RGS6: variants seen among roughly 807,000 people sequenced by gnomAD.
RGS6 encodes regulator of G protein signaling 6, also known as regulator of G-protein signaling 6.
Under a neutral mutation model 78.5 loss-of-function variants are expected in RGS6, and 30 were observed. The observed-to-expected ratio is 0.38, with a 90% CI of 0.29 to 0.52. The LOEUF (loss-of-function observed/expected upper bound fraction) is 0.52. Among genes scored for constraint, RGS6 ranks in the 20% least tolerant of loss-of-function variants. The probability of loss-of-function intolerance (pLI) is 0.85; values close to 1 mark genes in which losing one functional copy is unlikely to be tolerated. For missense variants in RGS6, 495 were observed against 609.7 expected (o/e 0.81, Z 1.98); for synonymous variants, 206 against 206.0 (o/e 1.00, Z 0.00).
At chr14:72,023,725 A>G (rs1057438829) in intron 2 of RGS6, among the ~76,000 whole-genome samples, 1 of 152,228 alleles carries the variant, frequency 6.6e-6, no homozygotes, top group African/African-American at 2.4e-5. Flanking sequence ...AGCCTTCCTC[A>G]GGGGAAAATT....
intron 2 of RGS6, among the ~76,000 whole-genome samples, chr14:72,148,217 G>A (rs2096635191): frequency 6.7e-6 from 1 of 148,914 alleles, no homozygotes; most frequent in African/African-American, 2.5e-5. Context: ...AACATAGCAA[G>A]AACCCATCTC....
At chr14:72,626,424 G>T in the RGS6 span, among the ~76,000 whole-genome samples, 1 of 151,982 alleles carries the variant, frequency 6.6e-6, no homozygotes, top group Admixed American at 6.5e-5. Flanking sequence ...TTACAATAAG[G>T]TCAGCATACT....
the RGS6 span, among the ~76,000 whole-genome samples, chr14:71,875,084 G>C: frequency 6.6e-6 from 1 of 152,126 alleles, no homozygotes; most frequent in Non-Finnish European, 1.5e-5. Context: ...TGTTCATCAG[G>C]GATATTGGTC....
chr14:72,187,923 A>G (rs1189064022), intron 2 of RGS6, among the ~76,000 whole-genome samples: 2 of 152,180 alleles, frequency 1.3e-5, no homozygotes, highest in African/African-American at 2.4e-5. Flanking sequence ...GCATGTTTCT[A>G]GTTGAAGTTA....
At chr14:72,236,883 C>T (rs914160269) in intron 2 of RGS6, among the ~76,000 whole-genome samples, 9 of 152,182 alleles carry the variant, frequency 5.9e-5, no homozygotes, top group African/African-American at 9.7e-5. Flanking sequence ...GGGCGGCGGC[C>T]GGGCAAAGGT....
Position 72,495,219 on chromosome 14 carries a change from C to A in RGS6, c.922C>A (p.Pro308Thr). Reference sequence around the variant, plus strand: ...GATAACACCAGCTGAGCCATCCAACCCTTGGATCAGCGATGACGTTGCTTT... The same window carrying A: ...GATAACACCAGCTGAGCCATCCAACACTTGGATCAGCGATGACGTTGCTTT... ...PLITPAEPSN[P>T]WISDDVALWD... Residue 308 changes from proline (P) to threonine (T), a missense_variant, in exon 13 of 18, where the codon CCT (proline) becomes ACT (threonine). Transcript: ENST00000553525. The A allele has an allele frequency of 6.2e-7, 1 of 1,613,538 alleles. No homozygotes were observed. The highest frequency in any genetic ancestry group is 8.5e-7 in the Non-Finnish European group (1 of 1,179,548).
chr14:72,072,880 T>G (rs184696538), intron 2 of RGS6, among the ~76,000 whole-genome samples: 1 of 152,252 alleles, frequency 6.6e-6, no homozygotes, highest in Non-Finnish European at 1.5e-5. Flanking sequence ...TTCTCCAATG[T>G]GGCTGCACAT....
intron 1 of RGS6, among the ~76,000 whole-genome samples, chr14:71,938,848 G>A (rs1422296460): frequency 1.3e-5 from 2 of 152,152 alleles, no homozygotes; most frequent in African/African-American, 4.8e-5. Context: ...GCCAAGAGCT[G>A]TCTCTCAAAA....
chr14:72,081,805 A>C (rs1321192083), intron 2 of RGS6, among the ~76,000 whole-genome samples: 6 of 152,214 alleles, frequency 3.9e-5, no homozygotes, highest in African/African-American at 1.4e-4. Context: ...AAAACCAGTG[A>C]AGCTTTCTTC....
chr14:72,120,307 T>A (rs772578802), intron 2 of RGS6, among the ~76,000 whole-genome samples: 12 of 152,232 alleles, frequency 7.9e-5, no homozygotes, highest in Non-Finnish European at 1.3e-4. Context: ...TCAAATGACA[T>A]CTTACACAAA....
intron 2 of RGS6, among the ~76,000 whole-genome samples, chr14:72,202,806 T>G (rs999398156): frequency 6.6e-6 from 1 of 151,936 alleles, no homozygotes; most frequent in East Asian, 2.0e-4. Flanking sequence ...TGTCCGCTTC[T>G]GCTTGAACAG....
intron 2 of RGS6, among the ~76,000 whole-genome samples, chr14:72,175,603 GGA>G (rs1373033118): frequency 1.1e-4 from 16 of 152,176 alleles, no homozygotes; most frequent in African/African-American, 3.9e-4. Flanking sequence ...CATTGGTTGA[GGA>G]GATTGTAAAC....
At chr14:72,390,120 CAG>C (rs2089554578) in intron 3 of RGS6, among the ~76,000 whole-genome samples, 2 of 120,572 alleles carry the variant, frequency 1.7e-5, no homozygotes, top group Non-Finnish European at 3.2e-5. Flanking sequence ...TTAACTGAGA[CAG>C]AGTCTCGCTC....
In RGS6 at chr14:71,994,962, C is replaced by G. The variant is rs139103485; in HGVS notation, c.84+30087C>G. ...TTCACCGTCCTTACAGCCAGCAAGA[C>G]GGGATGTTTCAGATGACCCTGTCCT... is the stretch of plus-strand genomic sequence containing the variant. On this transcript the variant is annotated intron_variant, in intron 2 of 17. Coordinates refer to ENST00000553525, the MANE Select transcript of RGS6 (RefSeq NM_001204424.2). Among the ~76,000 whole-genome samples, 4 of 152,256 alleles carry G rather than the reference C, an allele frequency of 2.6e-5. No homozygotes were observed. In the East Asian group the frequency reaches 7.7e-4, roughly 29 times the overall value.
At chr14:72,103,001 A>T (rs2095558354) in intron 2 of RGS6, among the ~76,000 whole-genome samples, 1 of 152,206 alleles carries the variant, frequency 6.6e-6, no homozygotes, top group South Asian at 2.1e-4. Context: ...GGAAACAAAG[A>T]TTTGGCTTGC....
intron 2 of RGS6, among the ~76,000 whole-genome samples, chr14:72,002,709 A>T (rs1181022221): frequency 6.6e-6 from 1 of 152,216 alleles, no homozygotes; most frequent in Middle Eastern, 3.2e-3. Flanking sequence ...GAGGTGTGGC[A>T]GTAGACTGTG....
chr14:72,173,362 T>C (rs1044989161), intron 2 of RGS6, among the ~76,000 whole-genome samples: 1 of 152,088 alleles, frequency 6.6e-6, no homozygotes, highest in South Asian at 2.1e-4. Context: ...CTTTCCCGAG[T>C]GGGCATGGAA....
intron 3 of RGS6, among the ~76,000 whole-genome samples, chr14:72,431,181 G>A (rs1055644844): frequency 7.9e-5 from 12 of 152,290 alleles, no homozygotes; most frequent in African/African-American, 2.6e-4. Flanking sequence ...TCTTTAGGTG[G>A]ACCAGATGCC....
At chr14:72,021,100 T>C (rs2052014) in intron 2 of RGS6, among the ~76,000 whole-genome samples, 125,414 of 152,178 alleles carry the variant, frequency 0.82, 51,855 homozygotes, top group South Asian at 0.89. Context: ...GATGGAGCCA[T>C]TTTCTCCCAG....
Sources: allele counts gnomAD v4.1 joint callset (sites outside exome capture counted in the v4.1 genomes callset), GRCh38; gene constraint gnomAD v4.1.1; transcripts MANE v1.5; gene names NCBI Gene and HGNC (gene_info 2026-07-23, HGNC 2026-07-21).